FLOT2: variants seen among roughly 807,000 people sequenced by gnomAD.
The protein encoded by FLOT2 is flotillin 2.
Under a neutral mutation model 54.9 loss-of-function variants are expected in FLOT2, and 35 were observed. The observed-to-expected ratio is 0.64, with a 90% CI of 0.49 to 0.84. The LOEUF (loss-of-function observed/expected upper bound fraction) is 0.84, where lower values mean the gene tolerates loss of function less well. Among genes scored for constraint, FLOT2 ranks in the 40% least tolerant of loss-of-function variants. FLOT2 has a pLI of 0.00. For synonymous variants in FLOT2, 207 were observed against 228.9 expected (o/e 0.90, Z 0.86); for missense variants, 464 against 572.1 (o/e 0.81, Z 1.93).
At chr17:28,894,394 T>C (rs946136594) in intron 1 of FLOT2, among the ~76,000 whole-genome samples, 4 of 151,994 alleles carry the variant, frequency 2.6e-5, no homozygotes, top group Non-Finnish European at 5.9e-5. Flanking sequence ...GAGGCCGAGG[T>C]GGGCGGATCA....
In FLOT2 at chr17:28,882,427, A is replaced by G; in HGVS notation, c.489T>C (p.Tyr163=). The G allele has an allele frequency of 1.9e-6, 3 of 1,614,094 alleles. No homozygotes were observed. The highest frequency in any genetic ancestry group is 1.1e-5 in the South Asian group (1 of 91,092). ...TIKDVYDKVD[Y]LSSLGKTQTA... is the part of the protein sequence containing the mutation. ...TCTGCGTCTTGCCCAGGGAGCTCAG[A>G]TAGTCCACTTTGTCATACACGTCCT... The change falls in exon 6 of 11, where the codon TAT becomes TAC. Residue 163 remains tyrosine, a synonymous_variant. Transcript: ENST00000394908. The surrounding 1 kb of genome is among the most constrained non-coding windows in gnomAD (Gnocchi z 5.6).
chr17:28,882,182 A>G lies in FLOT2; in HGVS notation c.635T>C (p.Ile212Thr). The change falls in exon 7 of 11, where the codon ATT (isoleucine) becomes ACT (threonine). Residue 212 changes from isoleucine (I) to threonine (T), a missense_variant. Coordinates refer to ENST00000394908, the MANE Select transcript of FLOT2 (RefSeq NM_004475.3). This position sits in a 1 kb window ranked among gnomAD's most constrained non-coding sequence, Gnocchi z 5.6. ...CTCGAAGGCTCGCTTAGAGTCAGCA[A>G]TCTTGGTGTCTGCCATGAACTTCAC... ...LDVKFMADTK[I>T]ADSKRAFELQ... 6.2e-7 allele frequency: 1 copy of G among 1,614,188 alleles called. No homozygotes were observed. The highest frequency in any genetic ancestry group is 1.3e-5 in the African/African-American group (1 of 75,050).
Position 28,881,987 on chromosome 17 carries a change from A to G in FLOT2, c.741T>C (p.Arg247=). Residue 247 remains arginine (R), a synonymous_variant, in exon 8 of 11, where the codon CGT becomes CGC. Transcript: ENST00000394908. ...CTTCCTGCCGGATCTTCTGCTGTTCACGGGCCCCCTGCAGCTCATAGGCCA... is the reference window on the plus strand; with the variant it reads ...CTTCCTGCCGGATCTTCTGCTGTTCGCGGGCCCCCTGCAGCTCATAGGCCA... The part of the protein sequence containing the change: ...AQLAYELQGA[R]EQQKIRQEEI... The G allele has an allele frequency of 6.2e-7, 1 of 1,613,986 alleles. No homozygotes were observed. The highest frequency in any genetic ancestry group is 1.1e-5 in the South Asian group (1 of 91,076).
In FLOT2 at chr17:28,880,289, A is replaced by G; in HGVS notation, c.*272T>C. On this transcript the variant is annotated 3_prime_UTR_variant, in exon 11 of 11. Coordinates refer to ENST00000394908, the MANE Select transcript of FLOT2 (RefSeq NM_004475.3). ...AATCTACATGATGTGCATGGGGGAAAGAAAAAGACAGACAAAGGAAAAGAC... is the reference window on the plus strand; with the variant it reads ...AATCTACATGATGTGCATGGGGGAAGGAAAAAGACAGACAAAGGAAAAGAC... 7.4e-7 allele frequency: 1 copy of G among 1,350,188 alleles called. No individual in the cohort carries two copies. The highest frequency in any genetic ancestry group is 1.8e-5 in the South Asian group (1 of 55,104). The allele number at this position is 1,350,188 out of a possible 1,614,324, so 83.6% of individuals were successfully genotyped here. A position where few individuals can be genotyped will look rare whatever the true frequency, so the allele number is the denominator to read the frequency against.
At chr17:28,881,733 G>T in intron 8 of FLOT2, 81 bp downstream of exon 8, 1 of 1,283,286 alleles carries the variant, frequency 7.8e-7, no homozygotes, top group Non-Finnish European at 1.1e-6. Flanking sequence ...CTTCCAAGCT[G>T]TGGTCAGGAG....
rs1200483911 is a variant in FLOT2 at position 28,884,615 on chromosome 17, C to T, written c.132-300G>A. Among the ~76,000 whole-genome samples, 1 of 152,132 alleles carries T rather than the reference C, an allele frequency of 6.6e-6. No homozygotes were observed. Among genetic ancestry groups the T allele is most frequent in the African/African-American group, 2.4e-5 (1 of 41,434 alleles). The stretch of plus-strand genomic sequence containing the variant: ...TTGTGGGTGGTCGGGGGCTGTTGGT[C>T]AGGGGAGAATCCAGGTGTAGCTGTG... On this transcript the variant is annotated intron_variant, in intron 2 of 10. Transcript: ENST00000394908. The surrounding 1 kb of genome is among the most constrained non-coding windows in gnomAD (Gnocchi z 5.1).
intron 2 of FLOT2, among the ~76,000 whole-genome samples, chr17:28,887,725 C>T (rs1428037059): frequency 6.6e-6 from 1 of 152,182 alleles, no homozygotes; most frequent in Non-Finnish European, 1.5e-5. Context: ...AGAGGGCTCC[C>T]CACGGCTTCT....
chr17:28,886,236 C>T (rs1310167203), intron 2 of FLOT2, among the ~76,000 whole-genome samples: 4 of 152,230 alleles, frequency 2.6e-5, no homozygotes, highest in Non-Finnish European at 2.9e-5. Context: ...CCTGGGCCTG[C>T]GGCCTGAGGT....
At chr17:28,885,706 A>T in intron 2 of FLOT2, 1 of 720,900 alleles carries the variant, frequency 1.4e-6, no homozygotes. Flanking sequence ...ACAGGGATCC[A>T]TCCTGGCACC....
intron 9 of FLOT2, 24 bp from the exon 10 acceptor site, chr17:28,880,886 A>G (rs994628373): frequency 1.2e-6 from 2 of 1,613,554 alleles, no homozygotes; most frequent in Non-Finnish European, 1.7e-6. Context: ...GTGGGAGGAC[A>G]GCCTGGTTGG....
intron 1 of FLOT2, among the ~76,000 whole-genome samples, chr17:28,889,614 G>A (rs375873289): frequency 1.3e-4 from 19 of 151,702 alleles, no homozygotes; most frequent in African/African-American, 4.4e-4. Context: ...TTACAGGTGT[G>A]AGCCACCTCG....
Position 28,882,851 on chromosome 17 carries a change from C to A in FLOT2, c.347-160G>T. On this transcript the variant is annotated intron_variant, in intron 4 of 10. Coordinates refer to ENST00000394908, the MANE Select transcript of FLOT2 (RefSeq NM_004475.3). The surrounding 1 kb of genome is among the most constrained non-coding windows in gnomAD (Gnocchi z 5.6). ...ACAGCACTTAACACCGAGCTTCCTG[C>A]TGCACAGTCCAGGCTGAATGAGGAA... 1.5e-6 allele frequency: 1 copy of A among 656,348 alleles called. No homozygotes were observed. Among genetic ancestry groups the A allele is most frequent in the Admixed American group, 2.7e-5 (1 of 36,644 alleles). 40.7% of individuals were successfully genotyped at this position (656,348 alleles called of 1,614,324 possible). A position where few individuals can be genotyped will look rare whatever the true frequency, so the allele number is the denominator to read the frequency against.
chr17:28,885,847 G>A, intron 2 of FLOT2: 1 of 1,520,774 alleles, frequency 6.6e-7, no homozygotes, highest in African/African-American at 1.4e-5. Flanking sequence ...GGAAGCAGGT[G>A]GGTTATTACC....
In FLOT2 at chr17:28,884,357, AG is replaced by A; in HGVS notation, c.132-43del. ...AACAGGGGCATGGGTCTGGGGGCGC[AG>A]GGCCTGGTGGTGTTGGGAAAGAGGC... On this transcript the variant is annotated intron_variant, in intron 2 of 10. Coordinates refer to ENST00000394908, the MANE Select transcript of FLOT2 (RefSeq NM_004475.3). This position sits in a 1 kb window ranked among gnomAD's most constrained non-coding sequence, Gnocchi z 5.1. 3 of 1,367,802 alleles carry A rather than the reference AG, an allele frequency of 2.2e-6. No homozygotes were observed. The highest frequency in any genetic ancestry group is 3.1e-6 in the Non-Finnish European group (3 of 971,568). The allele number at this position is 1,367,802 out of a possible 1,614,324, so 84.7% of individuals were successfully genotyped here.
Position 28,897,462 on chromosome 17 carries a change from TC to T in FLOT2, c.49+63del. The T allele has an allele frequency of 1.4e-6, 2 of 1,468,700 alleles. No individual in the cohort carries two copies. The highest frequency in any genetic ancestry group is 1.4e-5 in the African/African-American group (1 of 69,358). 91.0% of individuals were successfully genotyped at this position (1,468,700 alleles called of 1,614,324 possible). A position where few individuals can be genotyped will look rare whatever the true frequency, so the allele number is the denominator to read the frequency against. ...TCAGGCCCAGCTCTTCCCCGTGCAC[TC>T]CCCAGCCCTGCACCCACCCCGAGCA... On this transcript the variant is annotated intron_variant, in intron 1 of 10. Coordinates refer to ENST00000394908, the MANE Select transcript of FLOT2 (RefSeq NM_004475.3). The surrounding 1 kb of genome is among the most constrained non-coding windows in gnomAD (Gnocchi z 4.4).
intron 2 of FLOT2, 141 bp downstream of exon 2, chr17:28,888,804 A>ACCCCCCCCCCC: frequency 3.3e-6 from 1 of 299,912 alleles, no homozygotes; most frequent in East Asian, 9.5e-5. Flanking sequence ...AGTCCCCCCC[A>ACCCCCCCCCCC]ACCCCACCCC....
chr17:28,880,922 C>T (rs1364033591), intron 9 of FLOT2, 60 bp from the exon 10 acceptor site: 2 of 1,587,506 alleles, frequency 1.3e-6, no homozygotes, highest in African/African-American at 1.3e-5. Flanking sequence ...CAGCCCGGTC[C>T]AGCATCTCTC....
At chr17:28,892,356 CTTTT>C (rs1169732012) in intron 1 of FLOT2, 73 of 86,724 alleles carry the variant, frequency 8.4e-4, no homozygotes, top group South Asian at 1.3e-3. Context: ...GATGGCCACT[CTTTT>C]TTTTTTTTTT....
Position 28,879,875 on chromosome 17 carries a change from A to G in FLOT2, c.*686T>C. ...ACAAGCAGGGGCCTCCTAAGGCAGT[A>G]GGAAACTGAGGAAGCTGCTGTAGAC... is the stretch of plus-strand genomic sequence containing the variant. On this transcript the variant is annotated 3_prime_UTR_variant, in exon 11 of 11. Coordinates refer to ENST00000394908, the MANE Select transcript of FLOT2 (RefSeq NM_004475.3). 1.0e-6 allele frequency: 1 copy of G among 986,052 alleles called. No individual in the cohort carries two copies. The highest frequency in any genetic ancestry group is 1.2e-6 in the Non-Finnish European group (1 of 830,104). 61.1% of individuals were successfully genotyped at this position (986,052 alleles called of 1,614,324 possible).
Sources: allele counts gnomAD v4.1 joint callset (sites outside exome capture counted in the v4.1 genomes callset), GRCh38; gene constraint gnomAD v4.1.1; non-coding constraint Gnocchi (gnomAD v3.1); transcripts MANE v1.5; gene names NCBI Gene and HGNC (gene_info 2026-07-23, HGNC 2026-07-21).